CHN1: variants seen among roughly 807,000 people sequenced by gnomAD.
CHN1 encodes the protein chimerin 1, also known as N-chimaerin.
CHN1 carries 37 observed loss-of-function variants against 59.5 expected under a neutral mutation model. The ratio of observed to expected loss-of-function variants is 0.62; its 90% confidence interval spans 0.48 to 0.82. The LOEUF is 0.82. Among genes scored for constraint, CHN1 ranks in the 40% least tolerant of loss-of-function variants. CHN1 has a pLI of 0.00. For synonymous variants in CHN1, 206 were observed against 200.4 expected, an observed-to-expected ratio of 1.03 and a Z score of -0.24; for missense variants, 469 against 571.0, an observed-to-expected ratio of 0.82 and a Z score of 1.82.
At chr2:174,940,950 A>C (rs1689642132) in intron 3 of CHN1, among the ~76,000 whole-genome samples, 1 of 152,086 alleles carries the variant, frequency 6.6e-6, no homozygotes, top group Admixed American at 6.6e-5. Context: ...TTTTTTCTAC[A>C]TTTTAAGTGT....
At chr2:174,867,346 T>G (rs954536269) in intron 6 of CHN1, among the ~76,000 whole-genome samples, 5 of 150,348 alleles carry the variant, frequency 3.3e-5, no homozygotes, top group African/African-American at 1.2e-4. Flanking sequence ...CAAACTGCAC[T>G]CCCGCACAGG....
At chr2:174,845,820 A>C (rs1686492295) in intron 7 of CHN1, among the ~76,000 whole-genome samples, 1 of 151,890 alleles carries the variant, frequency 6.6e-6, no homozygotes, top group South Asian at 2.1e-4. Context: ...TGAGTAAAAT[A>C]AATACTGGTG....
At chr2:174,886,092 A>G (rs553532236) in intron 5 of CHN1, among the ~76,000 whole-genome samples, 1 of 152,350 alleles carries the variant, frequency 6.6e-6, no homozygotes, top group South Asian at 2.1e-4. Flanking sequence ...GAAGTCTACA[A>G]AAGCACAGAG....
At chr2:174,951,320 T>G (rs1229998108) in intron 2 of CHN1, among the ~76,000 whole-genome samples, 1 of 152,152 alleles carries the variant, frequency 6.6e-6, no homozygotes, top group East Asian at 1.9e-4. Flanking sequence ...TCTGAGAACA[T>G]AAGACCAATG....
intron 1 of CHN1, among the ~76,000 whole-genome samples, chr2:174,960,803 CAG>C (rs966879909): frequency 1.3e-5 from 2 of 151,610 alleles, no homozygotes; most frequent in African/African-American, 4.8e-5. Flanking sequence ...ACCTGGGCGA[CAG>C]AGCGTGACTC....
chr2:174,810,093 C>A (rs1363666079), intron 10 of CHN1, among the ~76,000 whole-genome samples: 1 of 152,150 alleles, frequency 6.6e-6, no homozygotes, highest in Non-Finnish European at 1.5e-5. Flanking sequence ...GAGGTTTATG[C>A]CTCTCAGAAG....
intron 2 of CHN1, among the ~76,000 whole-genome samples, chr2:174,950,635 T>C (rs951994130): frequency 5.9e-5 from 9 of 152,288 alleles, no homozygotes; most frequent in Admixed American, 3.3e-4. Flanking sequence ...CATTTACTAA[T>C]TGATATTTTT....
intron 4 of CHN1, among the ~76,000 whole-genome samples, chr2:174,916,590 G>C (rs111569383): frequency 0.029 from 4,338 of 152,196 alleles, 201 homozygotes; most frequent in African/African-American, 0.099. Context: ...ACATTACTAG[G>C]GGCAAGAGGA....
Position 174,983,552 on chromosome 2 carries a change from G to A in CHN1, c.19+21342C>T, listed in dbSNP as rs574746867. On this transcript the variant is annotated intron_variant, in intron 1 of 12. Transcript: ENST00000409900. ...TTAAAAAAAAATAAGCTAGACGGCC[G>A]GGCACGGTGGCTCATGCTTGTAATC... Among the ~76,000 whole-genome samples the A allele has an allele frequency of 1.8e-4, 28 of 152,050 alleles. No individual in the cohort carries two copies. In the South Asian group the frequency reaches 2.3e-3, roughly 12 times the overall value.
intron 1 of CHN1, among the ~76,000 whole-genome samples, chr2:175,000,117 T>A (rs1435279628): frequency 6.6e-6 from 1 of 151,084 alleles, no homozygotes; most frequent in Non-Finnish European, 1.5e-5. Flanking sequence ...ACCACAGGCA[T>A]GCATCACCAC....
chr2:174,862,892 G>A (rs1687111122), intron 6 of CHN1, among the ~76,000 whole-genome samples: 1 of 152,158 alleles, frequency 6.6e-6, no homozygotes, highest in South Asian at 2.1e-4. Context: ...CCCCACAGAA[G>A]TACCATTTTT....
chr2:174,807,512 G>GTGTGTT (rs1684934676), intron 11 of CHN1, among the ~76,000 whole-genome samples: 1 of 135,176 alleles, frequency 7.4e-6, no homozygotes, highest in South Asian at 2.4e-4. Flanking sequence ...GTGTGTGTGT[G>GTGTGTT]TTGCTTTCTA....
intron 10 of CHN1, among the ~76,000 whole-genome samples, chr2:174,810,680 G>T (rs940708745): frequency 6.6e-6 from 1 of 152,104 alleles, no homozygotes; most frequent in African/African-American, 2.4e-5. Context: ...ACATACATGG[G>T]CTGGCCTAGT....
At chr2:174,949,571 G>A (rs911891492) in intron 2 of CHN1, among the ~76,000 whole-genome samples, 1 of 151,932 alleles carries the variant, frequency 6.6e-6, no homozygotes, top group Middle Eastern at 3.4e-3. Flanking sequence ...GCCTAAATTG[G>A]CCAGGCTGGC....
intron 1 of CHN1, among the ~76,000 whole-genome samples, chr2:174,996,185 T>C (rs1691701703): frequency 6.6e-6 from 1 of 152,072 alleles, no homozygotes; most frequent in Non-Finnish European, 1.5e-5. Flanking sequence ...TTGAACAGGG[T>C]ATTGTTTACA....
intron 5 of CHN1, among the ~76,000 whole-genome samples, chr2:174,900,347 T>C (rs957475936): frequency 4.0e-5 from 6 of 151,888 alleles, no homozygotes; most frequent in Non-Finnish European, 5.9e-5. Context: ...TACATAAAAA[T>C]GAAAAAATTA....
At chr2:174,834,117 C>T (rs1241037256) in intron 7 of CHN1, among the ~76,000 whole-genome samples, 1 of 152,130 alleles carries the variant, frequency 6.6e-6, no homozygotes, top group Non-Finnish European at 1.5e-5. Flanking sequence ...ACAATATACA[C>T]CTTTAACTTA....
chr2:174,841,513 TGCC>T (rs1686300757), intron 7 of CHN1, among the ~76,000 whole-genome samples: 1 of 152,222 alleles, frequency 6.6e-6, no homozygotes, highest in Non-Finnish European at 1.5e-5. Context: ...CATGTCCGAT[TGCC>T]TTAGGCAGAC....
At chr2:174,992,671 G>T (rs1211164377) in intron 1 of CHN1, among the ~76,000 whole-genome samples, 1 of 152,182 alleles carries the variant, frequency 6.6e-6, no homozygotes, top group African/African-American at 2.4e-5. Context: ...CTTTAGTCAG[G>T]CTTCTCCTAG....
Sources: allele counts gnomAD v4.1 joint callset (sites outside exome capture counted in the v4.1 genomes callset), GRCh38; gene constraint gnomAD v4.1.1; transcripts MANE v1.5; gene names NCBI Gene and HGNC (gene_info 2026-07-23, HGNC 2026-07-21).